The following ERBB4 variants were observed in gnomAD, a reference collection of about 807,000 sequenced individuals.
ERBB4 encodes receptor tyrosine-protein kinase erbB-4.
A neutral mutation model predicts 158.0 loss-of-function variants in ERBB4; 42 were observed. That is an observed-to-expected ratio of 0.27 (90% CI 0.21 to 0.34). The LOEUF (loss-of-function observed/expected upper bound fraction) is 0.34, where lower values mean the gene tolerates loss of function less well. Ranked by LOEUF, ERBB4 falls within the 10% of genes least tolerant of loss-of-function variation. The pLI is 1.00. For missense variants in ERBB4, 1,333 were observed against 1,624.1 expected (o/e 0.82, Z 3.08); for synonymous variants, 583 against 558.7 (o/e 1.04, Z -0.61).
chr2:212,275,107 C>T (rs910265294), intron 1 of ERBB4, among the ~76,000 whole-genome samples: 9 of 151,802 alleles, frequency 5.9e-5, no homozygotes, highest in African/African-American at 2.2e-4. Flanking sequence ...TGAACTCATC[C>T]TTTTTTATGG....
chr2:211,386,507 T>C (rs1184200309), intron 27 of ERBB4, among the ~76,000 whole-genome samples: 1 of 152,214 alleles, frequency 6.6e-6, no homozygotes, highest in Non-Finnish European at 1.5e-5. Flanking sequence ...AAAGCTATGG[T>C]CCTGACACTT....
chr2:212,112,780 G>C (rs2079452147), intron 2 of ERBB4, among the ~76,000 whole-genome samples: 1 of 152,190 alleles, frequency 6.6e-6, no homozygotes, highest in Admixed American at 6.5e-5. Context: ...TGGTATTTCC[G>C]AGGTGTTAGT....
chr2:211,935,821 G>A (rs915380885), intron 3 of ERBB4, among the ~76,000 whole-genome samples: 11 of 151,978 alleles, frequency 7.2e-5, no homozygotes, highest in Admixed American at 2.6e-4. Flanking sequence ...CCTACTAATC[G>A]TGGTTATTGC....
intron 20 of ERBB4, among the ~76,000 whole-genome samples, chr2:211,535,415 T>C (rs754294175): frequency 6.6e-6 from 1 of 152,000 alleles, no homozygotes; most frequent in Non-Finnish European, 1.5e-5. Flanking sequence ...GGGCTTGGAA[T>C]CAAGAGTCTT....
chr2:212,377,178 G>A (rs2090351149), intron 1 of ERBB4, among the ~76,000 whole-genome samples: 1 of 148,958 alleles, frequency 6.7e-6, no homozygotes, highest in Admixed American at 6.8e-5. Context: ...AGTTTGGAAA[G>A]CACTTAAATG....
At chr2:211,736,074 G>A (rs1285019165) in intron 5 of ERBB4, among the ~76,000 whole-genome samples, 1 of 151,758 alleles carries the variant, frequency 6.6e-6, no homozygotes, top group Non-Finnish European at 1.5e-5. Flanking sequence ...GAGGCAGGAG[G>A]ATCACTTGAG....
chr2:211,544,398 G>C (rs2066889775), intron 20 of ERBB4, among the ~76,000 whole-genome samples: 1 of 151,962 alleles, frequency 6.6e-6, no homozygotes, highest in African/African-American at 2.4e-5. Flanking sequence ...CCATCAATCT[G>C]AGTTTGCTGC....
chr2:212,452,009 GTT>G (rs755896726), intron 1 of ERBB4, among the ~76,000 whole-genome samples: 1,984 of 138,974 alleles, frequency 0.014, 43 homozygotes, highest in African/African-American at 0.049. Context: ...GAGTGTGCAG[GTT>G]TTTTTTTTTT....
intron 2 of ERBB4, among the ~76,000 whole-genome samples, chr2:212,113,083 C>T (rs764969378): frequency 2.6e-5 from 4 of 152,004 alleles, no homozygotes; most frequent in Non-Finnish European, 5.9e-5. Flanking sequence ...ATTAATTCTG[C>T]TTGTCTTGAT....
intron 1 of ERBB4, among the ~76,000 whole-genome samples, chr2:212,440,149 T>C (rs914247728): frequency 2.0e-5 from 3 of 152,228 alleles, no homozygotes; most frequent in Non-Finnish European, 4.4e-5. Context: ...GAGTGTCAAC[T>C]TGATTGGATT....
intron 2 of ERBB4, among the ~76,000 whole-genome samples, chr2:212,104,563 T>C (rs528089073): frequency 6.6e-6 from 1 of 152,074 alleles, no homozygotes; most frequent in Non-Finnish European, 1.5e-5. Flanking sequence ...AAAAAGTAGG[T>C]ACCATTAATA....
At chr2:212,111,619 C>T (rs183774277) in intron 2 of ERBB4, among the ~76,000 whole-genome samples, 380 of 136,508 alleles carry the variant, frequency 2.8e-3, no homozygotes, top group Non-Finnish European at 4.2e-3. Context: ...ATACCTTCTC[C>T]TTTTTCTCTA....
At chr2:212,073,787 A>G (rs546577689) in intron 2 of ERBB4, among the ~76,000 whole-genome samples, 1 of 151,578 alleles carries the variant, frequency 6.6e-6, no homozygotes, top group South Asian at 2.1e-4. Flanking sequence ...GATGGAGGCT[A>G]TACTTACACA....
intron 3 of ERBB4, among the ~76,000 whole-genome samples, chr2:211,842,489 T>C (rs565482021): frequency 5.9e-4 from 89 of 151,352 alleles, no homozygotes; most frequent in Non-Finnish European, 8.1e-4. Flanking sequence ...TGACTACAGG[T>C]AGTCTCAAAT....
chr2:212,040,369 C>T (rs2125370638), intron 2 of ERBB4, among the ~76,000 whole-genome samples: 1 of 151,194 alleles, frequency 6.6e-6, no homozygotes, highest in East Asian at 1.9e-4. Flanking sequence ...TATATTTTTC[C>T]TCATTTATGT....
At chr2:212,131,176 T>C (rs2080095894) in intron 1 of ERBB4, among the ~76,000 whole-genome samples, 2 of 152,190 alleles carry the variant, frequency 1.3e-5, no homozygotes, top group African/African-American at 2.4e-5. Flanking sequence ...ACTTGTCACT[T>C]CCACTGCTAT....
At chr2:211,861,688 T>C (rs2078059979) in intron 3 of ERBB4, among the ~76,000 whole-genome samples, 1 of 152,110 alleles carries the variant, frequency 6.6e-6, no homozygotes, top group South Asian at 2.1e-4. Flanking sequence ...AGAATAAAAA[T>C]ACTCATTAAA....
At chr2:211,795,776 C>A (rs1314528856) in intron 3 of ERBB4, among the ~76,000 whole-genome samples, 2 of 151,026 alleles carry the variant, frequency 1.3e-5, no homozygotes, top group Non-Finnish European at 3.0e-5. Context: ...TCTCGTTGGT[C>A]AGAATGAAGT....
intron 2 of ERBB4, among the ~76,000 whole-genome samples, chr2:211,954,657 AG>A (rs548371945): frequency 1.3e-5 from 2 of 152,048 alleles, no homozygotes; most frequent in African/African-American, 4.8e-5. Context: ...TGGTGGTAAG[AG>A]GGGGGGTAAT....
Sources: allele counts gnomAD v4.1 joint callset (sites outside exome capture counted in the v4.1 genomes callset), GRCh38; gene constraint gnomAD v4.1.1; transcripts MANE v1.5; gene names NCBI Gene and HGNC (gene_info 2026-07-23, HGNC 2026-07-21).